ZFP2: variants seen among roughly 807,000 people sequenced by gnomAD.
ZFP2 encodes zinc finger protein ZFP2.
In ZFP2, 33 loss-of-function variants were observed where a neutral mutation model predicts 36.1. That is an observed-to-expected ratio of 0.92 (90% CI 0.69 to 1.22). ZFP2 has a LOEUF of 1.22. Ranked by LOEUF, ZFP2 falls within the 50% of genes most tolerant of loss-of-function variation. The pLI, the probability that ZFP2 is intolerant of heterozygous loss-of-function variation, is 0.00. For missense variants in ZFP2, 522 were observed against 551.4 expected (o/e 0.95, Z 0.53); for synonymous variants, 170 against 178.0 (o/e 0.96, Z 0.36).
chr5:178,930,792 T>A lies in ZFP2; in HGVS notation c.-77-445T>A, dbSNP rs891640559. Among the ~76,000 whole-genome samples the A allele has an allele frequency of 4.6e-5, 7 of 152,322 alleles. No individual in the cohort carries two copies. In the East Asian group the frequency reaches 1.4e-3, roughly 29 times the overall value. On this transcript the variant is annotated intron_variant, in intron 4 of 4. Transcript: ENST00000361362. Reference sequence around the variant, plus strand: ...TGACATTTTAGGAAGATTAATTTGGTGTAGGATTCTAGGTGGCCTCGTAGG... The same window carrying A: ...TGACATTTTAGGAAGATTAATTTGGAGTAGGATTCTAGGTGGCCTCGTAGG...
chr5:178,909,892 T>C, intron 1 of ZFP2: 1 of 1,555,964 alleles, frequency 6.4e-7, no homozygotes, highest in South Asian at 1.1e-5. Context: ...AGGAACATGT[T>C]CCAAGAGTCC....
At chr5:178,905,613 A>G (rs772869836) in intron 1 of ZFP2, among the ~76,000 whole-genome samples, 9 of 152,252 alleles carry the variant, frequency 5.9e-5, no homozygotes, top group Non-Finnish European at 1.0e-4. Flanking sequence ...CTTAAACACT[A>G]TGAGGTATCC....
chr5:178,897,276 TC>T (rs1235970040), intron 1 of ZFP2, among the ~76,000 whole-genome samples: 1 of 152,202 alleles, frequency 6.6e-6, no homozygotes. Context: ...CTCTTGAACT[TC>T]TGAGAGGTGC....
intron 3 of ZFP2, among the ~76,000 whole-genome samples, chr5:178,914,725 C>T (rs13166562): frequency 0.22 from 32,951 of 151,798 alleles, 3,945 homozygotes; most frequent in Non-Finnish European, 0.25. Context: ...GTGATAGGTG[C>T]GGTGTGGAAA....
chr5:178,924,736 T>C (rs1758631070), intron 4 of ZFP2, among the ~76,000 whole-genome samples: 1 of 148,290 alleles, frequency 6.7e-6, no homozygotes. Flanking sequence ...TAGTCCCAGC[T>C]ACTTGGGAGA....
intron 1 of ZFP2, among the ~76,000 whole-genome samples, chr5:178,896,957 C>T (rs867968164): frequency 7.2e-5 from 11 of 152,010 alleles, no homozygotes; most frequent in African/African-American, 2.2e-4. Flanking sequence ...AATAGAGCTA[C>T]GTCATTTTAA....
chr5:178,932,528 T>C lies in ZFP2; in HGVS notation c.1215T>C (p.Thr405=), dbSNP rs768970795. The C allele has an allele frequency of 8.1e-6, 13 of 1,614,136 alleles. No homozygotes were observed. The highest frequency in any genetic ancestry group is 1.1e-5 in the Non-Finnish European group (13 of 1,180,030). Residue 405 remains threonine (T), a synonymous_variant, in exon 5 of 5, where the codon ACT becomes ACC. Transcript: ENST00000361362. ...AYLIEHQRIH[T]GEKPYECDQC... ...TTATTGAACATCAAAGAATTCATAC[T>C]GGTGAGAAACCCTATGAATGTGATC... is the stretch of plus-strand genomic sequence containing the variant.
chr5:178,904,696 CTTTTTT>C lies in ZFP2; in HGVS notation c.-449-7871_-449-7866del, dbSNP rs1195032566. ...ATTTGTTGTCTCAGAATTCATTTTG[CTTTTTT>C]TTTTTTTTTTTTTTTTGAGAGACAG... is the stretch of plus-strand genomic sequence containing the variant. On this transcript the variant is annotated intron_variant, in intron 1 of 4. Coordinates refer to ENST00000361362, the MANE Select transcript of ZFP2 (RefSeq NM_030613.4). Among the ~76,000 whole-genome samples, 5 of 88,622 alleles carry C rather than the reference CTTTTTT, an allele frequency of 5.6e-5. No individual in the cohort carries two copies. The Admixed American group carries it at 6.6e-4, about 12-fold the overall frequency. The allele number at this position is 88,622 out of a possible 152,430, so 58.1% of individuals were successfully genotyped here.
In ZFP2 at chr5:178,925,156, TATAC is replaced by T. The variant is rs1165733303; in HGVS notation, c.-77-6079_-77-6076del. 2.7e-4 allele frequency among the ~76,000 whole-genome samples: 37 copies of T among 135,676 alleles called. 5 individuals carry two copies. Among genetic ancestry groups the T allele is most frequent in the Admixed American group, 1.9e-3 (25 of 13,232 alleles). The allele number at this position is 135,676 out of a possible 152,430, so 89.0% of individuals were successfully genotyped here. ...ACACACACACACACACACACATATA[TATAC>T]ACATATATACATATACATATATATT... On this transcript the variant is annotated intron_variant, in intron 4 of 4. Coordinates refer to ENST00000361362, the MANE Select transcript of ZFP2 (RefSeq NM_030613.4).
chr5:178,905,926 C>CT (rs1415901944), intron 1 of ZFP2, among the ~76,000 whole-genome samples: 2 of 151,840 alleles, frequency 1.3e-5, no homozygotes, highest in African/African-American at 4.8e-5. Flanking sequence ...CAATTTTTGT[C>CT]TTTTTTGTAG....
chr5:178,901,643 C>G (rs756963158), intron 1 of ZFP2, among the ~76,000 whole-genome samples: 8 of 152,148 alleles, frequency 5.3e-5, no homozygotes, highest in Non-Finnish European at 1.0e-4. Flanking sequence ...TTGAGACAAC[C>G]TGTTTTCAGA....
chr5:178,899,755 A>T (rs1051663001), intron 1 of ZFP2, among the ~76,000 whole-genome samples: 21 of 152,070 alleles, frequency 1.4e-4, no homozygotes, highest in African/African-American at 5.1e-4. Context: ...ATAAGGCATC[A>T]GAAGACTTGG....
chr5:178,910,739 C>T (rs1377240078), intron 1 of ZFP2: 2 of 237,820 alleles, frequency 8.4e-6, no homozygotes, highest in Non-Finnish European at 1.7e-5. Context: ...TCCAGTCAAA[C>T]CCTTTCTGGA....
At chr5:178,910,177 CA>C (rs914734987) in intron 1 of ZFP2, 11 of 1,530,054 alleles carry the variant, frequency 7.2e-6, no homozygotes, top group African/African-American at 4.1e-5. Flanking sequence ...TTGCAGCCAT[CA>C]AAAATCTTTC....
intron 4 of ZFP2, among the ~76,000 whole-genome samples, chr5:178,930,314 C>CT (rs990713790): frequency 0.032 from 2,310 of 71,486 alleles, 48 homozygotes; most frequent in East Asian, 0.068. Context: ...TTTCCCTTTC[C>CT]TTTTTTTTTT....
intron 1 of ZFP2, among the ~76,000 whole-genome samples, chr5:178,896,501 G>A (rs1757943876): frequency 6.6e-6 from 1 of 152,152 alleles, no homozygotes; most frequent in East Asian, 1.9e-4. Context: ...CGGGTCTCCG[G>A]ACCCGCCCTC....
intron 1 of ZFP2, among the ~76,000 whole-genome samples, chr5:178,906,186 G>C (rs77818595): frequency 0.02 from 2,998 of 152,306 alleles, 98 homozygotes; most frequent in African/African-American, 0.068. Context: ...CAGGACTTAA[G>C]GTGGTGAGGG....
intron 1 of ZFP2, among the ~76,000 whole-genome samples, 172 bp downstream of exon 1, chr5:178,896,146 C>G (rs1198897059): frequency 1.3e-5 from 2 of 152,214 alleles, no homozygotes; most frequent in African/African-American, 2.4e-5. Flanking sequence ...CGCCGGGCCT[C>G]CGGCTCCAGG....
At chr5:178,906,094 C>G (rs968566185) in intron 1 of ZFP2, among the ~76,000 whole-genome samples, 4 of 152,166 alleles carry the variant, frequency 2.6e-5, no homozygotes, top group African/African-American at 9.7e-5. Flanking sequence ...TTACCTAAAT[C>G]AGCACTTTAC....
Sources: allele counts gnomAD v4.1 joint callset (sites outside exome capture counted in the v4.1 genomes callset), GRCh38; gene constraint gnomAD v4.1.1; transcripts MANE v1.5; gene names NCBI Gene and HGNC (gene_info 2026-07-23, HGNC 2026-07-21).